ZNF462: variants seen among roughly 807,000 people sequenced by gnomAD.
The protein encoded by ZNF462 is zinc finger protein 462.
ZNF462 carries 10 observed loss-of-function variants against 201.9 expected under a neutral mutation model. The observed-to-expected ratio is 0.05, with a 90% CI of 0.03 to 0.08. ZNF462 has a LOEUF of 0.08. Ranked by LOEUF, ZNF462 falls within the 10% of genes least tolerant of loss-of-function variation. ZNF462 has a pLI of 1.00. For missense variants in ZNF462, 2,523 were observed against 3,168.3 expected (o/e 0.80, Z 4.89); for synonymous variants, 1,227 against 1,193.3 (o/e 1.03, Z -0.58).
In ZNF462 at chr9:106,902,534, T is replaced by C. The variant is rs911808624; in HGVS notation, c.-30-20820T>C. Among the ~76,000 whole-genome samples, 1 of 152,214 alleles carries C rather than the reference T, an allele frequency of 6.6e-6. No homozygotes were observed. The highest frequency in any genetic ancestry group is 2.4e-5 in the African/African-American group (1 of 41,460). ...TTTTGAATGTCTCGTAGAATTCTGCTGTGAATCCATCTGGTCCTGGACTTT... is the reference window on the plus strand; with the variant it reads ...TTTTGAATGTCTCGTAGAATTCTGCCGTGAATCCATCTGGTCCTGGACTTT... On this transcript the variant is annotated intron_variant, in intron 1 of 12. Transcript: ENST00000277225. This position sits in a 1 kb window ranked among gnomAD's most constrained non-coding sequence, Gnocchi z 4.2.
rs1826645567 is a variant in ZNF462 at position 106,972,021 on chromosome 9, G to A, written c.6444G>A (p.Glu2148=). ...VEDSNDSSYS[E]PPDVQQQLNH... ...TCTTCACAGACTCATCATATTCAGA[G>A]CCCCCAGATGTTCAGCAGCAGTTGA... The change falls in exon 8 of 13, where the codon GAG becomes GAA. Residue 2148 remains glutamate, a synonymous_variant. Transcript: ENST00000277225. This position sits in a 1 kb window ranked among gnomAD's most constrained non-coding sequence, Gnocchi z 4.8. 6.2e-6 allele frequency: 10 copies of A among 1,613,764 alleles called. No individual in the cohort carries two copies. Among genetic ancestry groups the A allele is most frequent in the African/African-American group, 1.3e-5 (1 of 74,870 alleles).
At chr9:106,937,717 C>G (rs1003295380) in intron 6 of ZNF462, among the ~76,000 whole-genome samples, 1 of 151,632 alleles carries the variant, frequency 6.6e-6, no homozygotes, top group African/African-American at 2.4e-5. Context: ...ATATATTTAG[C>G]CTTTGTATTT....
At chr9:106,877,784 T>C (rs1422592422) in intron 1 of ZNF462, among the ~76,000 whole-genome samples, 1 of 152,216 alleles carries the variant, frequency 6.6e-6, no homozygotes, top group African/African-American at 2.4e-5. Context: ...TATTTACTGG[T>C]GTTCAAATCT....
At chr9:106,863,703 G>T (rs1318651258) in intron 1 of ZNF462, among the ~76,000 whole-genome samples, 1 of 152,072 alleles carries the variant, frequency 6.6e-6, no homozygotes, top group East Asian at 1.9e-4. Context: ...GAGTGAGCGC[G>T]GTGGCTTAAT....
chr9:106,878,555 A>G (rs10978664), intron 1 of ZNF462, among the ~76,000 whole-genome samples: 32,159 of 152,204 alleles, frequency 0.21, 3,468 homozygotes, highest in South Asian at 0.28. Flanking sequence ...GCACGGCTAC[A>G]GTATGCCTAG....
In ZNF462 at chr9:106,963,003, T is replaced by C. The variant is rs1831911353; in HGVS notation, c.6428-9002T>C. ...GCCTTTAGAGGCGTATGTTCCCCCT[T>C]AGACACTATGGAATGGAAATGGTTT... On this transcript the variant is annotated intron_variant, in intron 7 of 12. Coordinates refer to ENST00000277225, the MANE Select transcript of ZNF462 (RefSeq NM_021224.6). The surrounding 1 kb of genome is among the most constrained non-coding windows in gnomAD (Gnocchi z 4.7). 6.6e-6 allele frequency among the ~76,000 whole-genome samples: 1 copy of C among 152,036 alleles called. No individual in the cohort carries two copies. The highest frequency in any genetic ancestry group is 1.5e-5 in the Non-Finnish European group (1 of 67,974).
At chr9:106,871,010 G>GC (rs1224332242) in intron 1 of ZNF462, among the ~76,000 whole-genome samples, 1 of 152,142 alleles carries the variant, frequency 6.6e-6, no homozygotes, top group Non-Finnish European at 1.5e-5. Context: ...AGAGGCTGGG[G>GC]GGTGGGAGCC....
At chr9:106,915,226 A>T (rs1510284) in intron 1 of ZNF462, among the ~76,000 whole-genome samples, 8,663 of 142,364 alleles carry the variant, frequency 0.061, 330 homozygotes, top group Middle Eastern at 0.14. Flanking sequence ...TTTTTTTTTT[A>T]AAACAGCTCA....
upstream of ZNF462, among the ~76,000 whole-genome samples, chr9:106,861,900 T>C (rs1304334756): frequency 1.3e-5 from 2 of 152,202 alleles, no homozygotes; most frequent in Non-Finnish European, 2.9e-5. Flanking sequence ...ATTGTTACTT[T>C]CCGAGCCTTT....
chr9:106,955,179 G>T (rs1831519751), intron 7 of ZNF462, among the ~76,000 whole-genome samples: 3 of 152,150 alleles, frequency 2.0e-5, no homozygotes, highest in Middle Eastern at 3.4e-3. Context: ...GATTATCTTT[G>T]TATCTATCAG....
chr9:106,998,798 G>T (rs922824263), intron 10 of ZNF462, among the ~76,000 whole-genome samples: 11 of 151,816 alleles, frequency 7.2e-5, no homozygotes, highest in Non-Finnish European at 1.5e-4. Context: ...TAGTAGAGAC[G>T]GGGTTTCACC....
In ZNF462 at chr9:106,923,707, C is replaced by A; in HGVS notation, c.220+104C>A. On this transcript the variant is annotated intron_variant, in intron 2 of 12. Transcript: ENST00000277225. This position sits in a 1 kb window ranked among gnomAD's most constrained non-coding sequence, Gnocchi z 5.6. ...AATATACGTGGCTTTTGCAGAGTTT[C>A]TTGTGCTTTGCTAGCCATTTTTGTG... 14 of 1,194,484 alleles carry A rather than the reference C, an allele frequency of 1.2e-5. No individual in the cohort carries two copies. Among genetic ancestry groups the A allele is most frequent in the Non-Finnish European group, 1.7e-5 (14 of 843,652 alleles). 74.0% of individuals were successfully genotyped at this position (1,194,484 alleles called of 1,614,324 possible).
intron 10 of ZNF462, among the ~76,000 whole-genome samples, chr9:106,992,974 G>A (rs1413472352): frequency 6.6e-6 from 1 of 152,012 alleles, no homozygotes; most frequent in African/African-American, 2.4e-5. Context: ...CTCAAGATCC[G>A]GATTAATGTG....
intron 1 of ZNF462, among the ~76,000 whole-genome samples, chr9:106,910,372 T>A (rs1829496803): frequency 1.4e-5 from 2 of 145,338 alleles, no homozygotes; most frequent in Admixed American, 6.7e-5. Context: ...GTTTTTTTTT[T>A]TTTTTTTTTT....
chr9:106,910,005 C>A (rs1400767216), intron 1 of ZNF462, among the ~76,000 whole-genome samples: 3 of 152,186 alleles, frequency 2.0e-5, no homozygotes, highest in African/African-American at 7.2e-5. Context: ...TATCTGTCAT[C>A]TTCTCCACTT....
At position 106,923,413 on chromosome 9, in the gene ZNF462, T is replaced by A. The variant is rs747612942; in HGVS notation, c.30T>A (p.Asp10Glu). The A allele has an allele frequency of 3.7e-6, 6 of 1,614,186 alleles. 1 individual carries two copies. The South Asian group carries it at 5.5e-5, about 15-fold the overall frequency. Residue 10 changes from aspartate (D) to glutamate (E), a missense_variant, in exon 2 of 13, where the codon GAT becomes GAA. Asp to Glu is a conservative substitution (Grantham distance 45, BLOSUM62 2). Transcript: ENST00000277225. This position sits in a 1 kb window ranked among gnomAD's most constrained non-coding sequence, Gnocchi z 5.6. ...AGGTGCTTCAGTGTGATGGCTGTGA[T>A]TTCCGAGCCCCGTCTTATGAAGATC... The part of the protein sequence containing the change: MEVLQCDGC[D>E]FRAPSYEDLK...
intron 1 of ZNF462, among the ~76,000 whole-genome samples, chr9:106,903,184 C>G (rs1829135938): frequency 6.6e-6 from 1 of 151,936 alleles, no homozygotes. Context: ...CATTTTTGAC[C>G]CAATGTTCAT....
rs1451357819 is a variant in ZNF462 at position 107,012,303 on chromosome 9, T to C, written c.*1273T>C. 1 of 150,686 alleles carries C rather than the reference T, an allele frequency of 6.6e-6. No homozygotes were observed. Among genetic ancestry groups the C allele is most frequent in the Non-Finnish European group, 1.5e-5 (1 of 67,904 alleles). 9.3% of individuals were successfully genotyped at this position (150,686 alleles called of 1,614,324 possible). On this transcript the variant is annotated 3_prime_UTR_variant, in exon 13 of 13. Transcript: ENST00000277225. ...GATTTTAAAATCTGTGTTTTGTTTC[T>C]GCTGGCATTGTGTTTTGTTGGGGGT...
At chr9:106,956,514 G>A (rs1312552559) in intron 7 of ZNF462, among the ~76,000 whole-genome samples, 1 of 152,100 alleles carries the variant, frequency 6.6e-6, no homozygotes, top group Admixed American at 6.6e-5. Flanking sequence ...TCAACATAAA[G>A]TCACCAGCTG....
Sources: allele counts gnomAD v4.1 joint callset (sites outside exome capture counted in the v4.1 genomes callset), GRCh38; gene constraint gnomAD v4.1.1; non-coding constraint Gnocchi (gnomAD v3.1); transcripts MANE v1.5; gene names NCBI Gene and HGNC (gene_info 2026-07-23, HGNC 2026-07-21).